MNAT1: variants seen among roughly 807,000 people sequenced by gnomAD.
MNAT1 encodes the protein CDK-activating kinase assembly factor MAT1.
In MNAT1, 43 loss-of-function variants were observed where a neutral mutation model predicts 42.0. That is an observed-to-expected ratio of 1.02 (90% confidence interval 0.80 to 1.32). MNAT1 has a LOEUF of 1.32. Ranked by LOEUF, MNAT1 falls within the 40% of genes most tolerant of loss-of-function variation. MNAT1 has a pLI of 0.00. For missense variants in MNAT1, 306 were observed against 350.4 expected, an observed-to-expected ratio of 0.87 and a Z score of 1.01; for synonymous variants, 118 against 120.0, an observed-to-expected ratio of 0.98 and a Z score of 0.11.
intron 1 of MNAT1, among the ~76,000 whole-genome samples, chr14:60,763,004 C>G (rs2030673057): frequency 6.6e-6 from 1 of 152,062 alleles, no homozygotes; most frequent in South Asian, 2.1e-4. Context: ...TATAAATCAT[C>G]TAGTACAACT....
chr14:60,880,998 C>G (rs2034538346), intron 7 of MNAT1, among the ~76,000 whole-genome samples: 2 of 152,126 alleles, frequency 1.3e-5, no homozygotes, highest in Non-Finnish European at 2.9e-5. Context: ...TACAAAGAGC[C>G]AGAATCGTGT....
intron 7 of MNAT1, among the ~76,000 whole-genome samples, chr14:60,901,709 G>A (rs1248705434): frequency 1.3e-5 from 2 of 152,136 alleles, no homozygotes; most frequent in African/African-American, 4.8e-5. Flanking sequence ...ACCGCAAATG[G>A]GGTGAAAATA....
intron 4 of MNAT1, among the ~76,000 whole-genome samples, chr14:60,809,268 T>C (rs1417844039): frequency 6.6e-6 from 1 of 152,174 alleles, no homozygotes; most frequent in South Asian, 2.1e-4. Flanking sequence ...GCTTATATTT[T>C]CATTTTGTAT....
At chr14:60,846,832 T>C in intron 6 of MNAT1, among the ~76,000 whole-genome samples, 1 of 152,206 alleles carries the variant, frequency 6.6e-6, no homozygotes, top group East Asian at 1.9e-4. Context: ...GGGAAGAATG[T>C]GTTAGATGTT....
At position 60,903,865 on chromosome 14, in the gene MNAT1, GT is replaced by G. The variant is rs35825181; in HGVS notation, c.809+24051del. ...TTTGTTTTTGATGCTACCCATGTAA[GT>G]TTTTTTTTTTTTTTTTTTTTCTTTT... On this transcript the variant is annotated intron_variant, in intron 7 of 7. Coordinates refer to ENST00000261245, the MANE Select transcript of MNAT1 (RefSeq NM_002431.4). 9.0e-3 allele frequency among the ~76,000 whole-genome samples: 1,045 copies of G among 115,712 alleles called. 5 individuals are homozygous for G. Among genetic ancestry groups the G allele is most frequent in the African/African-American group, 0.028 (876 of 30,976 alleles). 75.9% of individuals were successfully genotyped at this position (115,712 alleles called of 152,430 possible).
intron 6 of MNAT1, among the ~76,000 whole-genome samples, chr14:60,834,683 C>A (rs1050564663): frequency 6.6e-6 from 1 of 152,148 alleles, no homozygotes; most frequent in Non-Finnish European, 1.5e-5. Flanking sequence ...TCCACTTTCT[C>A]TAGAGCTAGT....
chr14:60,864,138 A>C (rs1170749350), intron 6 of MNAT1, among the ~76,000 whole-genome samples: 4 of 151,988 alleles, frequency 2.6e-5, no homozygotes, highest in Non-Finnish European at 5.9e-5. Flanking sequence ...GTTATGGAAA[A>C]ATTGAGTGTA....
chr14:60,912,290 G>C lies in MNAT1; in HGVS notation c.809+32455G>C, dbSNP rs1324312556. 2.6e-5 allele frequency among the ~76,000 whole-genome samples: 4 copies of C among 152,024 alleles called. No homozygotes were observed. In the South Asian group the frequency reaches 8.3e-4, roughly 32 times the overall value. On this transcript the variant is annotated intron_variant, in intron 7 of 7. Coordinates refer to ENST00000261245, the MANE Select transcript of MNAT1 (RefSeq NM_002431.4). ...CTCTTTATCCAGTTTGCCAGTGTGT[G>C]TCTTTTAATTGGAGCATTTAGCCCA...
intron 6 of MNAT1, among the ~76,000 whole-genome samples, chr14:60,872,874 A>G (rs1409526375): frequency 2.7e-5 from 4 of 146,252 alleles, no homozygotes; most frequent in Non-Finnish European, 5.9e-5. Flanking sequence ...ACACACATAT[A>G]TATATGCACT....
intron 1 of MNAT1, among the ~76,000 whole-genome samples, chr14:60,743,221 T>G (rs1396984385): frequency 6.6e-6 from 1 of 152,216 alleles, no homozygotes; most frequent in Non-Finnish European, 1.5e-5. Context: ...TCTTTGATAT[T>G]GCCCTTCTTC....
At chr14:60,802,932 T>A (rs898825102) in intron 3 of MNAT1, among the ~76,000 whole-genome samples, 1 of 131,440 alleles carries the variant, frequency 7.6e-6, no homozygotes. Context: ...TAAATAAAAC[T>A]TTTTTTTTTT....
At chr14:60,930,206 T>TTATTATTA (rs1555336831) in intron 7 of MNAT1, among the ~76,000 whole-genome samples, 49 of 138,742 alleles carry the variant, frequency 3.5e-4, no homozygotes, top group African/African-American at 1.2e-3. Context: ...TTCTTCCGTC[T>TTATTATTA]TTATTATTAT....
chr14:60,803,964 G>T (rs1216312789), intron 3 of MNAT1, among the ~76,000 whole-genome samples: 1 of 152,084 alleles, frequency 6.6e-6, no homozygotes, highest in Admixed American at 6.5e-5. Context: ...TGTTCCTTAT[G>T]GCTCCAGAGA....
chr14:60,944,845 T>C (rs901152974), intron 7 of MNAT1, among the ~76,000 whole-genome samples: 1 of 152,238 alleles, frequency 6.6e-6, no homozygotes, highest in African/African-American at 2.4e-5. Flanking sequence ...CATTTTATTG[T>C]CTGAATTATT....
In MNAT1 at chr14:60,894,525, G is replaced by T. The variant is rs186581161; in HGVS notation, c.809+14690G>T. On this transcript the variant is annotated intron_variant, in intron 7 of 7. Transcript: ENST00000261245. ...AAACTTGGGCAACACTTTGTTTGGA[G>T]CCCTTTTTGTGTTTCTTTCTGCCTT... Among the ~76,000 whole-genome samples, 16 of 152,144 alleles carry T rather than the reference G, an allele frequency of 1.1e-4. No individual in the cohort carries two copies. The East Asian group carries it at 1.7e-3, about 17-fold the overall frequency.
At chr14:60,853,794 T>A (rs2033888005) in intron 6 of MNAT1, among the ~76,000 whole-genome samples, 1 of 152,226 alleles carries the variant, frequency 6.6e-6, no homozygotes, top group Admixed American at 6.5e-5. Flanking sequence ...TCTGCATCTA[T>A]TGAGAAAATC....
At chr14:60,927,627 C>A (rs1170095463) in intron 7 of MNAT1, among the ~76,000 whole-genome samples, 3 of 152,174 alleles carry the variant, frequency 2.0e-5, no homozygotes, top group African/African-American at 7.2e-5. Flanking sequence ...TAAGTAAAGT[C>A]TGATGGGACA....
At chr14:60,755,919 C>T (rs79190641) in intron 1 of MNAT1, among the ~76,000 whole-genome samples, 2,006 of 152,270 alleles carry the variant, frequency 0.013, 44 homozygotes, top group African/African-American at 0.046. Flanking sequence ...GAGATAGTCA[C>T]TGAGAGGAGA....
intron 7 of MNAT1, among the ~76,000 whole-genome samples, chr14:60,894,358 A>G (rs565543099): frequency 6.6e-5 from 10 of 152,012 alleles, no homozygotes; most frequent in Non-Finnish European, 1.5e-4. Flanking sequence ...GTTTCATGGA[A>G]TATCCTCCTC....
Sources: allele counts gnomAD v4.1 joint callset (sites outside exome capture counted in the v4.1 genomes callset), GRCh38; gene constraint gnomAD v4.1.1; transcripts MANE v1.5; gene names NCBI Gene and HGNC (gene_info 2026-07-23, HGNC 2026-07-21).